The following ROBO2 variants were observed in gnomAD, a reference collection of about 807,000 sequenced individuals.
The protein encoded by ROBO2 is roundabout homolog 2.
ROBO2 carries 53 observed loss-of-function variants against 160.8 expected under a neutral mutation model. The observed-to-expected ratio is 0.33, with a 90% CI of 0.26 to 0.41. ROBO2 has a LOEUF of 0.41. Ranked by LOEUF, ROBO2 falls within the 10% of genes least tolerant of loss-of-function variation. The pLI is 1.00. For synonymous variants in ROBO2, 664 were observed against 611.7 expected, an observed-to-expected ratio of 1.09 and a Z score of -1.26; for missense variants, 1,577 against 1,722.4, an observed-to-expected ratio of 0.92 and a Z score of 1.49.
chr3:76,253,115 A>G (rs895540192), intron 2 of ROBO2, among the ~76,000 whole-genome samples: 1 of 152,092 alleles, frequency 6.6e-6, no homozygotes, highest in Non-Finnish European at 1.5e-5. Context: ...CTACAGTCTT[A>G]CCAAGTTGAC....
At chr3:76,043,312 G>C (rs2067336423) in intron 2 of ROBO2, among the ~76,000 whole-genome samples, 1 of 151,556 alleles carries the variant, frequency 6.6e-6, no homozygotes, top group Non-Finnish European at 1.5e-5. Context: ...CGTTTGTAAG[G>C]GGTCTTCTTG....
chr3:76,656,616 CTTTGTTTTGT>C lies in ROBO2; in HGVS notation c.110-441380_110-441371del, dbSNP rs368810711. Among the ~76,000 whole-genome samples the C allele has an allele frequency of 7.3e-5, 11 of 151,722 alleles. 1 individual carries two copies. The highest frequency in any genetic ancestry group is 1.9e-4 in the African/African-American group (8 of 41,322). On this transcript the variant is annotated intron_variant, in intron 2 of 26. Transcript: ENST00000487694. Reference sequence around the variant, plus strand: ...TATGGGCACTTGTAAGGTTCATTACCTTTGTTTTGTTTTGTTTTGTTTTGTTTACATTTTT... The same window carrying C: ...TATGGGCACTTGTAAGGTTCATTACCTTTGTTTTGTTTTGTTTACATTTTT...
At chr3:77,244,100 T>G (rs556110622) in intron 2 of ROBO2, among the ~76,000 whole-genome samples, 1 of 152,330 alleles carries the variant, frequency 6.6e-6, no homozygotes, top group South Asian at 2.1e-4. Flanking sequence ...TATACGTAAG[T>G]GTTCATGTTA....
At chr3:76,328,329 A>T (rs966122227) in intron 2 of ROBO2, among the ~76,000 whole-genome samples, 1 of 152,218 alleles carries the variant, frequency 6.6e-6, no homozygotes, top group African/African-American at 2.4e-5. Flanking sequence ...TCCCAAAAGT[A>T]TTCATTGTGG....
At chr3:77,289,276 G>C (rs1480779224) in intron 2 of ROBO2, among the ~76,000 whole-genome samples, 1 of 152,168 alleles carries the variant, frequency 6.6e-6, no homozygotes, top group Non-Finnish European at 1.5e-5. Flanking sequence ...AATTGAGAAA[G>C]ACATAAAGTA....
At chr3:77,525,308 T>C (rs2091032432) in intron 6 of ROBO2, among the ~76,000 whole-genome samples, 1 of 151,032 alleles carries the variant, frequency 6.6e-6, no homozygotes, top group East Asian at 1.9e-4. Context: ...TTGTGATGTT[T>C]CTGCTAAAAT....
At chr3:77,613,487 A>G (rs1026363615) in intron 21 of ROBO2, among the ~76,000 whole-genome samples, 3 of 152,182 alleles carry the variant, frequency 2.0e-5, no homozygotes, top group Non-Finnish European at 2.9e-5. Flanking sequence ...ATTTAATTAT[A>G]TCTAGTTATG....
chr3:76,224,428 G>C (rs1405932722), intron 2 of ROBO2, among the ~76,000 whole-genome samples: 1 of 152,162 alleles, frequency 6.6e-6, no homozygotes, highest in African/African-American at 2.4e-5. Flanking sequence ...AGCTGTCCCA[G>C]CTCAAGAAGA....
chr3:77,083,788 A>AGAT (rs757443396), intron 1 of ROBO2, among the ~76,000 whole-genome samples: 4 of 152,078 alleles, frequency 2.6e-5, no homozygotes, highest in Non-Finnish European at 4.4e-5. Flanking sequence ...CAGGAAGGAG[A>AGAT]GATGATGAAA....
chr3:77,600,758 A>G (rs2094414434), intron 19 of ROBO2, among the ~76,000 whole-genome samples: 2 of 152,218 alleles, frequency 1.3e-5, no homozygotes, highest in Non-Finnish European at 2.9e-5. Flanking sequence ...TTTGAGAAAT[A>G]AAAATAATAC....
At chr3:75,936,026 A>G (rs1423367492) in intron 1 of ROBO2, among the ~76,000 whole-genome samples, 2 of 152,230 alleles carry the variant, frequency 1.3e-5, no homozygotes, top group Non-Finnish European at 2.9e-5. Flanking sequence ...CATTTAGCAC[A>G]GTAAAATAAC....
intron 2 of ROBO2, among the ~76,000 whole-genome samples, chr3:76,916,714 G>C (rs1577460038): frequency 6.6e-6 from 1 of 151,980 alleles, no homozygotes; most frequent in East Asian, 1.9e-4. Context: ...TTAATAAAAG[G>C]AGTAAAATCA....
At chr3:75,996,793 CT>C (rs2065740747) in intron 2 of ROBO2, among the ~76,000 whole-genome samples, 2 of 149,478 alleles carry the variant, frequency 1.3e-5, no homozygotes, top group African/African-American at 4.9e-5. Context: ...ATCATCAATT[CT>C]GATATATGTA....
Position 76,597,228 on chromosome 3 carries a change from A to G in ROBO2, c.110-500786A>G, listed in dbSNP as rs577862524. Among the ~76,000 whole-genome samples the G allele has an allele frequency of 1.7e-3, 265 of 152,218 alleles. 1 individual carries two copies. In the South Asian group the frequency reaches 0.021, roughly 12 times the overall value. ...AAGAGTTCTTTAAAATTGAAACAAA[A>G]AGAACAATTCATAAAAGAAAAAATT... On this transcript the variant is annotated intron_variant, in intron 2 of 26. Coordinates refer to the ROBO2 transcript ENST00000487694.
intron 2 of ROBO2, among the ~76,000 whole-genome samples, chr3:76,407,117 T>C (rs543095614): frequency 2.6e-5 from 4 of 151,720 alleles, no homozygotes; most frequent in African/African-American, 9.7e-5. Flanking sequence ...GATTTTGCTC[T>C]AGCAATTCCT....
intron 2 of ROBO2, among the ~76,000 whole-genome samples, chr3:76,619,424 T>C (rs1386380919): frequency 2.6e-5 from 4 of 152,238 alleles, no homozygotes; most frequent in African/African-American, 7.2e-5. Context: ...CAATTTCTTT[T>C]CTTACGGTGA....
At chr3:76,556,181 A>C (rs980935002) in intron 2 of ROBO2, among the ~76,000 whole-genome samples, 1 of 152,192 alleles carries the variant, frequency 6.6e-6, no homozygotes, top group Non-Finnish European at 1.5e-5. Flanking sequence ...TGTAGTCCTC[A>C]GGAGATATTA....
At position 76,694,921 on chromosome 3, in the gene ROBO2, T is replaced by C. The variant is rs566359247; in HGVS notation, c.110-403093T>C. Among the ~76,000 whole-genome samples, 401 of 152,184 alleles carry C rather than the reference T, an allele frequency of 2.6e-3. 1 individual carries two copies. Among genetic ancestry groups the C allele is most frequent in the Non-Finnish European group, 4.0e-3 (274 of 67,990 alleles). Reference sequence around the variant, plus strand: ...GAGTTCAAGACCAGCATGGCCAACATGGTGAAACCCCATTTCTACTAAAAA... The same window carrying C: ...GAGTTCAAGACCAGCATGGCCAACACGGTGAAACCCCATTTCTACTAAAAA... On this transcript the variant is annotated intron_variant, in intron 2 of 26. Coordinates refer to the ROBO2 transcript ENST00000487694.
chr3:76,296,600 A>G (rs991489177), intron 2 of ROBO2, among the ~76,000 whole-genome samples: 17 of 152,252 alleles, frequency 1.1e-4, no homozygotes, highest in African/African-American at 3.9e-4. Context: ...AAACACTTCT[A>G]ATGTTCCATA....
Sources: allele counts gnomAD v4.1 joint callset (sites outside exome capture counted in the v4.1 genomes callset), GRCh38; gene constraint gnomAD v4.1.1; transcripts MANE v1.5; gene names NCBI Gene and HGNC (gene_info 2026-07-23, HGNC 2026-07-21).